MPPED2: variants seen among roughly 807,000 people sequenced by gnomAD.
The protein encoded by MPPED2 is metallophosphoesterase domain containing 2, also known as metallophosphoesterase MPPED2.
Under a neutral mutation model 33.0 loss-of-function variants are expected in MPPED2, and 5 were observed. That is an observed-to-expected ratio of 0.15 (90% CI 0.08 to 0.32). MPPED2 has a LOEUF of 0.32. MPPED2 is among the 10% of genes least tolerant of loss of function. The pLI is 1.00. For missense variants in MPPED2, 275 were observed against 372.1 expected, an observed-to-expected ratio of 0.74 and a Z score of 2.15; for synonymous variants, 136 against 141.9, an observed-to-expected ratio of 0.96 and a Z score of 0.29.
At chr11:30,490,851 A>C (rs1329035702) in intron 4 of MPPED2, among the ~76,000 whole-genome samples, 7 of 152,002 alleles carry the variant, frequency 4.6e-5, no homozygotes, top group Admixed American at 2.0e-4. Context: ...TAGCTAGACC[A>C]AGCCACAATC....
chr11:30,477,696 T>C (rs1451734203), intron 4 of MPPED2, among the ~76,000 whole-genome samples: 1 of 152,034 alleles, frequency 6.6e-6, no homozygotes, highest in Non-Finnish European at 1.5e-5. Flanking sequence ...TTTGTTAGGT[T>C]TTGGTATTAA....
chr11:30,496,709 G>GT (rs200516943), intron 3 of MPPED2, among the ~76,000 whole-genome samples: 11,575 of 129,012 alleles, frequency 0.09, 672 homozygotes, highest in South Asian at 0.17. Flanking sequence ...AATTTTGTGG[G>GT]CGGGGGGTGG....
chr11:30,398,497 C>T (rs1460417474), intron 6 of MPPED2, among the ~76,000 whole-genome samples: 1 of 152,070 alleles, frequency 6.6e-6, no homozygotes, highest in East Asian at 1.9e-4. Context: ...ATCAGATGGT[C>T]AGATGATTTT....
At chr11:30,400,330 C>A (rs1947893083) in intron 6 of MPPED2, among the ~76,000 whole-genome samples, 1 of 152,160 alleles carries the variant, frequency 6.6e-6, no homozygotes, top group Admixed American at 6.5e-5. Context: ...CCCACTCCTG[C>A]CTCCCAAAGC....
chr11:30,580,772 G>A (rs1007933554), intron 1 of MPPED2, among the ~76,000 whole-genome samples: 18 of 152,210 alleles, frequency 1.2e-4, no homozygotes, highest in Admixed American at 5.9e-4. Context: ...CGTGAATTAC[G>A]GAAGGGGCAT....
At chr11:30,473,710 C>T (rs2134076312) in intron 4 of MPPED2, among the ~76,000 whole-genome samples, 1 of 152,266 alleles carries the variant, frequency 6.6e-6, no homozygotes, top group East Asian at 1.9e-4. Context: ...ACCCTGCTTT[C>T]CATCTTCCTG....
At chr11:30,504,937 T>C in intron 3 of MPPED2, 1 of 523,580 alleles carries the variant, frequency 1.9e-6, no homozygotes, top group Non-Finnish European at 3.4e-6. Context: ...GGTGGTCCAC[T>C]GCAGGAATGA....
intron 2 of MPPED2, among the ~76,000 whole-genome samples, chr11:30,578,447 G>C (rs1287058250): frequency 6.6e-6 from 1 of 152,154 alleles, no homozygotes; most frequent in Non-Finnish European, 1.5e-5. Context: ...TTTCAAAAGA[G>C]GTATAATTTG....
At chr11:30,583,947 C>T (rs976669120) in intron 1 of MPPED2, among the ~76,000 whole-genome samples, 3 of 152,310 alleles carry the variant, frequency 2.0e-5, no homozygotes, top group Non-Finnish European at 2.9e-5. Flanking sequence ...AGATCCAGTG[C>T]GTTCTTAATT....
intron 3 of MPPED2, among the ~76,000 whole-genome samples, chr11:30,511,055 A>C (rs1226621535): frequency 6.6e-6 from 1 of 152,168 alleles, no homozygotes; most frequent in Non-Finnish European, 1.5e-5. Context: ...AGGGTCTTGC[A>C]AAGTCAGGTC....
In MPPED2 at chr11:30,410,352, A is replaced by G; in HGVS notation, c.*1116T>C. 5 of 985,838 alleles carry G rather than the reference A, an allele frequency of 5.1e-6. No homozygotes were observed. Among genetic ancestry groups the G allele is most frequent in the Non-Finnish European group, 6.0e-6 (5 of 829,894 alleles). The allele number at this position is 985,838 out of a possible 1,614,324, so 61.1% of individuals were successfully genotyped here. ...AACATAAAATAGAATAAAGCTCAAC[A>G]GCATTTACAATGGGAAAACAGAAAT... On this transcript the variant is annotated 3_prime_UTR_variant, in exon 7 of 7. Coordinates refer to ENST00000358117, the MANE Select transcript of MPPED2 (RefSeq NM_001584.3).
chr11:30,390,331 A>G (rs906597850), intron 6 of MPPED2, among the ~76,000 whole-genome samples: 2 of 152,204 alleles, frequency 1.3e-5, no homozygotes, highest in Middle Eastern at 3.2e-3. Flanking sequence ...TTGAAATGTC[A>G]AATGTGTTTT....
intron 4 of MPPED2, among the ~76,000 whole-genome samples, chr11:30,487,276 C>T (rs967773042): frequency 3.3e-5 from 5 of 152,314 alleles, no homozygotes; most frequent in Admixed American, 6.5e-5. Context: ...GGGCCCATGG[C>T]AGGTCTGACT....
chr11:30,439,459 T>C (rs1015502561), intron 4 of MPPED2, among the ~76,000 whole-genome samples: 2 of 152,206 alleles, frequency 1.3e-5, no homozygotes, highest in Admixed American at 6.5e-5. Context: ...TACAGCATCC[T>C]GGCACCTTAA....
chr11:30,386,181 G>A (rs1203393227), exon 7 of MPPED2: 1 of 152,276 alleles, frequency 6.6e-6, no homozygotes, highest in Non-Finnish European at 1.5e-5. Context: ...AGTGAAATAT[G>A]AGCAGGCTGT....
intron 4 of MPPED2, among the ~76,000 whole-genome samples, chr11:30,430,161 G>A (rs546570183): frequency 1.0e-3 from 159 of 152,224 alleles, no homozygotes; most frequent in Non-Finnish European, 1.5e-3. Flanking sequence ...GAAAGGGCAA[G>A]GCAAATTAAG....
At chr11:30,548,232 A>C (rs1216997266) in intron 2 of MPPED2, among the ~76,000 whole-genome samples, 1 of 147,434 alleles carries the variant, frequency 6.8e-6, no homozygotes, top group South Asian at 2.1e-4. Context: ...TTTTTTTCTT[A>C]ACTGACGGGG....
chr11:30,412,385 T>G (rs1237990981), intron 6 of MPPED2, among the ~76,000 whole-genome samples: 1 of 152,032 alleles, frequency 6.6e-6, no homozygotes, highest in Non-Finnish European at 1.5e-5. Flanking sequence ...GTTTGCAAGT[T>G]GGCACATTTC....
In MPPED2 at chr11:30,412,794, G is replaced by A. The variant is rs375028749; in HGVS notation, c.767-1208C>T. 2.9e-4 allele frequency among the ~76,000 whole-genome samples: 44 copies of A among 152,140 alleles called. 1 individual carries two copies. In the South Asian group the frequency reaches 8.3e-3, roughly 29 times the overall value. On this transcript the variant is annotated intron_variant, in intron 6 of 6. Coordinates refer to ENST00000358117, the MANE Select transcript of MPPED2 (RefSeq NM_001584.3). ...CTTTTAGGCAAGTTTATTATTTTGG[G>A]GCTTCAGTGGAATTCCCCAATTGTC... is the stretch of plus-strand genomic sequence containing the variant.
Sources: allele counts gnomAD v4.1 joint callset (sites outside exome capture counted in the v4.1 genomes callset), GRCh38; gene constraint gnomAD v4.1.1; transcripts MANE v1.5; gene names NCBI Gene and HGNC (gene_info 2026-07-23, HGNC 2026-07-21).